Variants in PAK3 observed in about 807,000 individuals in gnomAD.
PAK3 encodes the protein serine/threonine-protein kinase PAK 3.
A neutral mutation model predicts 41.0 loss-of-function variants in PAK3; 4 were observed. That is an observed-to-expected ratio of 0.10 (90% CI 0.05 to 0.22). The LOEUF (loss-of-function observed/expected upper bound fraction) is 0.22. Ranked by LOEUF, PAK3 falls within the 10% of genes least tolerant of loss-of-function variation. The pLI, the probability that PAK3 is intolerant of heterozygous loss-of-function variation, is 1.00. For synonymous variants in PAK3, 146 were observed against 139.6 expected, an observed-to-expected ratio of 1.05 and a Z score of -0.32; for missense variants, 205 against 409.9, an observed-to-expected ratio of 0.50 and a Z score of 4.32.
chrX:111,125,243 C>G (rs993249158), intron 5 of PAK3, among the ~76,000 whole-genome samples: 1 of 111,627 alleles, frequency 9.0e-6, no homozygotes, highest in African/African-American at 3.3e-5. Flanking sequence ...ATTAATGTGA[C>G]CTGTGAGAAG....
intron 16 of PAK3, among the ~76,000 whole-genome samples, chrX:111,211,313 A>G (rs1281915565): frequency 9.0e-6 from 1 of 111,518 alleles, no homozygotes; most frequent in East Asian, 2.8e-4. Flanking sequence ...TCAAACAACT[A>G]TAATGATCCT....
chrX:110,981,494 A>G (rs1392606669), intron 1 of PAK3, among the ~76,000 whole-genome samples: 1 of 111,546 alleles, frequency 9.0e-6, no homozygotes, highest in Non-Finnish European at 1.9e-5. Context: ...GTATTTAAAG[A>G]TAAAGGGGCA....
intron 3 of PAK3, among the ~76,000 whole-genome samples, chrX:111,101,131 TACAC>T (rs1050097303): frequency 8.9e-6 from 1 of 112,097 alleles, no homozygotes; most frequent in African/African-American, 3.2e-5. Flanking sequence ...CAGGACACTG[TACAC>T]ACACACGATA....
chrX:111,009,195 C>T (rs1304153797), intron 1 of PAK3, among the ~76,000 whole-genome samples: 1 of 111,308 alleles, frequency 9.0e-6, no homozygotes, highest in Non-Finnish European at 1.9e-5. Context: ...CCTTCTGTAA[C>T]CCTTCTTGTC....
chrX:110,955,003 A>G (rs1005050433), intron 1 of PAK3, among the ~76,000 whole-genome samples: 1 of 111,291 alleles, frequency 9.0e-6, no homozygotes, highest in Non-Finnish European at 1.9e-5. Flanking sequence ...TAACAGTGTC[A>G]TTGGCTGGGA....
chrX:110,956,077 CAA>C (rs1474450960), intron 1 of PAK3, among the ~76,000 whole-genome samples: 1 of 111,694 alleles, frequency 9.0e-6, no homozygotes. Flanking sequence ...GGTGAGGAAT[CAA>C]AGAGATAATC....
At chrX:111,106,850 C>T (rs1001204391) in intron 4 of PAK3, among the ~76,000 whole-genome samples, 1 of 111,950 alleles carries the variant, frequency 8.9e-6, no homozygotes, top group Non-Finnish European at 1.9e-5. Flanking sequence ...GAAATAGATC[C>T]TTTCAGAGCA....
rs1255857654 is a variant in PAK3 at position 111,037,460 on chromosome X, T to C, written c.-27-85617T>C. Among the ~76,000 whole-genome samples, 10 of 111,494 alleles carry C rather than the reference T, an allele frequency of 9.0e-5. No homozygotes were observed. The Admixed American group carries it at 9.6e-4, about 11-fold the overall frequency. ...GTTCATTCAAAAAGTGGTCTCTCCT[T>C]GGTATTGTGGCTTTACCACTCAAAG... is the stretch of plus-strand genomic sequence containing the variant. On this transcript the variant is annotated intron_variant, in intron 1 of 14. Transcript: ENST00000425146.
At chrX:111,152,102 A>G (rs1316608873) in intron 7 of PAK3, among the ~76,000 whole-genome samples, 1 of 112,474 alleles carries the variant, frequency 8.9e-6, no homozygotes. Flanking sequence ...AGGGGGGACT[A>G]CTATAGATGT....
At chrX:111,000,049 G>A (rs1399143437) in intron 1 of PAK3, among the ~76,000 whole-genome samples, 1 of 111,265 alleles carries the variant, frequency 9.0e-6, no homozygotes, top group East Asian at 2.8e-4. Context: ...TCTCACTGGG[G>A]CACATACTAC....
chrX:111,088,026 G>T (rs993162429), intron 1 of PAK3, among the ~76,000 whole-genome samples: 1 of 110,559 alleles, frequency 9.0e-6, no homozygotes, highest in Admixed American at 9.6e-5. Flanking sequence ...GCTGCACATC[G>T]GAATCTGAGA....
intron 1 of PAK3, among the ~76,000 whole-genome samples, chrX:110,997,423 C>T (rs375744015): frequency 2.7e-5 from 3 of 110,511 alleles, no homozygotes; most frequent in South Asian, 7.9e-4. Context: ...GATGGGGGCT[C>T]GAAGAAGGAT....
chrX:111,003,784 A>G (rs895896744), intron 1 of PAK3, among the ~76,000 whole-genome samples: 5 of 111,752 alleles, frequency 4.5e-5, no homozygotes, highest in African/African-American at 6.5e-5. Flanking sequence ...AGAAGACAAT[A>G]TCATGAAAAA....
chrX:111,032,476 C>G lies in PAK3; in HGVS notation c.-28+87848C>G, dbSNP rs144650797. On this transcript the variant is annotated intron_variant, in intron 1 of 14. Coordinates refer to the PAK3 transcript ENST00000425146. ...CTACTGTTCCTGTTATTTGCAGGGA[C>G]AGCCAGAAATTGCGATTTGGGTAGC... Among the ~76,000 whole-genome samples the G allele has an allele frequency of 9.9e-3, 1,105 of 111,903 alleles. 10 individuals are homozygous for G. Among genetic ancestry groups the G allele is most frequent in the East Asian group, 0.018 (65 of 3,573 alleles).
chrX:111,161,394 A>C (rs1039603701), intron 8 of PAK3, among the ~76,000 whole-genome samples: 1 of 110,542 alleles, frequency 9.0e-6, no homozygotes, highest in African/African-American at 3.3e-5. Flanking sequence ...AGGTTGCAAA[A>C]ATTTTCTCCC....
At chrX:111,063,692 G>T (rs1322458537) in intron 1 of PAK3, among the ~76,000 whole-genome samples, 1 of 108,644 alleles carries the variant, frequency 9.2e-6, no homozygotes, top group African/African-American at 3.5e-5. Context: ...TTAGCTGGGT[G>T]CAGTGGGGGT....
At chrX:110,984,782 C>T (rs1002332737) in intron 1 of PAK3, among the ~76,000 whole-genome samples, 3 of 110,775 alleles carry the variant, frequency 2.7e-5, no homozygotes, top group Non-Finnish European at 5.7e-5. Context: ...CCCCCCGCCC[C>T]CGCCAAATCT....
intron 1 of PAK3, among the ~76,000 whole-genome samples, chrX:111,005,992 A>T (rs150923525): frequency 1.8e-3 from 203 of 111,659 alleles, no homozygotes; most frequent in African/African-American, 6.3e-3. Context: ...TACCCTGCTG[A>T]CAAGAGTTCC....
At chrX:111,170,814 T>C (rs2094328551) in intron 10 of PAK3, among the ~76,000 whole-genome samples, 1 of 111,377 alleles carries the variant, frequency 9.0e-6, no homozygotes, top group Admixed American at 9.6e-5. Flanking sequence ...ATAGCATTAC[T>C]AGGATATAAA....
Sources: gnomAD v4.1 joint callset for allele counts (sites outside exome capture counted in the v4.1 genomes callset) on GRCh38, gnomAD v4.1.1 for gene constraint, MANE v1.5 for transcripts, NCBI Gene and HGNC (gene_info 2026-07-23, HGNC 2026-07-21) for gene names.